RBFOX1: variants seen among roughly 807,000 people sequenced by gnomAD.
RBFOX1 encodes RNA binding protein fox-1 homolog 1.
In RBFOX1, 8 loss-of-function variants were observed where a neutral mutation model predicts 57.7. The ratio of observed to expected loss-of-function variants is 0.14; its 90% CI spans 0.08 to 0.25. RBFOX1 has a LOEUF of 0.25. Ranked by LOEUF, RBFOX1 falls within the 10% of genes least tolerant of loss-of-function variation. The pLI is 1.00. For missense variants in RBFOX1, 611 were observed against 548.5 expected, an observed-to-expected ratio of 1.11 and a Z score of -1.14; for synonymous variants, 326 against 222.4, an observed-to-expected ratio of 1.47 and a Z score of -4.15.
chr16:6,316,900 G>A, intron 1 of RBFOX1, 95 bp from the exon 2 acceptor site: 1 of 873,896 alleles, frequency 1.1e-6, no homozygotes, highest in Non-Finnish European at 1.8e-6. Flanking sequence ...AACCTATTTT[G>A]AAGGTTGGTC....
intron 3 of RBFOX1, among the ~76,000 whole-genome samples, chr16:6,707,841 C>G (rs2063039738): frequency 2.0e-5 from 3 of 152,144 alleles, no homozygotes; most frequent in South Asian, 4.1e-4. Flanking sequence ...TCCCCAAGCT[C>G]AAAGCGCCAC....
chr16:6,569,402 G>A (rs1402427691), intron 2 of RBFOX1, among the ~76,000 whole-genome samples: 1 of 152,160 alleles, frequency 6.6e-6, no homozygotes, highest in Non-Finnish European at 1.5e-5. Flanking sequence ...ATGTTTGCCA[G>A]ACTAAGGGCA....
intron 3 of RBFOX1, among the ~76,000 whole-genome samples, chr16:5,663,387 TA>T (rs1567365109): frequency 1.3e-5 from 2 of 151,662 alleles, no homozygotes; most frequent in African/African-American, 4.9e-5. Flanking sequence ...TTTTTTTTTT[TA>T]GAAATGGGGT....
intron 2 of RBFOX1, among the ~76,000 whole-genome samples, chr16:6,406,752 A>G (rs1326596973): frequency 6.6e-6 from 1 of 152,114 alleles, no homozygotes; most frequent in Non-Finnish European, 1.5e-5. Context: ...CATCATTGCA[A>G]AGGGTCTTCA....
intron 4 of RBFOX1, among the ~76,000 whole-genome samples, chr16:5,895,549 CTT>C (rs2058143835): frequency 6.6e-6 from 1 of 152,186 alleles, no homozygotes; most frequent in South Asian, 2.1e-4. Context: ...GATCTTTATT[CTT>C]ACTGAGCTGG....
rs750031460 is a variant in RBFOX1, at chr16:6,819,645, C to T, written c.-16+164995C>T. ...GCTTGAACCTGGGAAGCGGAGGTTG[C>T]AGTGAGCCAGGATCAAGGCATTGCA... On this transcript the variant is annotated intron_variant, in intron 3 of 15. Coordinates refer to ENST00000550418, the MANE Select transcript of RBFOX1 (RefSeq NM_018723.4). Among the ~76,000 whole-genome samples the T allele has an allele frequency of 3.7e-4, 47 of 125,642 alleles. 1 individual carries two copies. Among genetic ancestry groups the T allele is most frequent in the Admixed American group, 6.1e-4 (6 of 9,830 alleles). The allele number at this position is 125,642 out of a possible 152,430, so 82.4% of individuals were successfully genotyped here.
At chr16:7,333,982 A>G (rs1173306511) in intron 4 of RBFOX1, among the ~76,000 whole-genome samples, 1 of 152,194 alleles carries the variant, frequency 6.6e-6, no homozygotes. Flanking sequence ...GAAAAGGAAA[A>G]CAAAATATAT....
intron 15 of RBFOX1, chr16:7,709,886 A>G: frequency 9.1e-7 from 1 of 1,093,250 alleles, no homozygotes; most frequent in Non-Finnish European, 1.1e-6. Flanking sequence ...AATCATTACA[A>G]AGCTTTGGCA....
chr16:5,854,231 A>G (rs2056969743), intron 3 of RBFOX1, among the ~76,000 whole-genome samples: 2 of 152,212 alleles, frequency 1.3e-5, no homozygotes, highest in African/African-American at 4.8e-5. Context: ...TCAAGTATAT[A>G]GTACAGTATT....
intron 3 of RBFOX1, among the ~76,000 whole-genome samples, chr16:5,856,239 G>GTGTATATATA (rs1313651543): frequency 1.3e-4 from 3 of 23,782 alleles, no homozygotes; most frequent in Non-Finnish European, 2.5e-4. Context: ...GTATATATAT[G>GTGTATATATA]TGTATATATA....
intron 4 of RBFOX1, among the ~76,000 whole-genome samples, chr16:7,066,606 C>A (rs1351181): frequency 6.6e-6 from 1 of 152,076 alleles, no homozygotes; most frequent in Non-Finnish European, 1.5e-5. Flanking sequence ...ACTCATAAAG[C>A]GGGGGGTGTT....
intron 1 of RBFOX1, among the ~76,000 whole-genome samples, chr16:6,168,226 T>G (rs2096932055): frequency 6.6e-6 from 1 of 152,206 alleles, no homozygotes; most frequent in South Asian, 2.1e-4. Context: ...ATCTATTAGT[T>G]TAATCTGTTC....
At chr16:6,361,434 C>G (rs1345290628) in intron 2 of RBFOX1, among the ~76,000 whole-genome samples, 2 of 151,932 alleles carry the variant, frequency 1.3e-5, no homozygotes, top group Non-Finnish European at 2.9e-5. Flanking sequence ...TCGAGACCAG[C>G]CTGGCCAATA....
At chr16:5,425,635 G>A (rs1010305021) in intron 1 of RBFOX1, among the ~76,000 whole-genome samples, 1 of 152,190 alleles carries the variant, frequency 6.6e-6, no homozygotes, top group African/African-American at 2.4e-5. Context: ...TTGAATACGG[G>A]AAATAAGTCT....
intron 3 of RBFOX1, among the ~76,000 whole-genome samples, chr16:7,031,743 C>T (rs1260154347): frequency 6.6e-6 from 1 of 152,092 alleles, no homozygotes. Flanking sequence ...TACTCTGTGC[C>T]CTCAAACAAC....
chr16:6,561,330 G>A (rs145484647), intron 2 of RBFOX1, among the ~76,000 whole-genome samples: 101 of 152,252 alleles, frequency 6.6e-4, no homozygotes, highest in Non-Finnish European at 8.4e-4. Flanking sequence ...CATGCATTCC[G>A]TAATACATAT....
chr16:7,491,770 G>T (rs561400266), intron 4 of RBFOX1, among the ~76,000 whole-genome samples: 3 of 152,030 alleles, frequency 2.0e-5, no homozygotes, highest in South Asian at 4.2e-4. Context: ...AGCTAGGACC[G>T]CAGGCACATG....
intron 3 of RBFOX1, among the ~76,000 whole-genome samples, chr16:5,772,189 G>GGCTA (rs1438605974): frequency 6.6e-6 from 1 of 152,064 alleles, no homozygotes; most frequent in Non-Finnish European, 1.5e-5. Flanking sequence ...AAAAAACAGA[G>GGCTA]GCTAGTTTAT....
chr16:6,246,702 A>G (rs1487123781), intron 1 of RBFOX1, among the ~76,000 whole-genome samples: 1 of 152,220 alleles, frequency 6.6e-6, no homozygotes, highest in Non-Finnish European at 1.5e-5. Flanking sequence ...TTGTGTTAGT[A>G]TAACTGCGGA....
Sources: allele counts gnomAD v4.1 joint callset (sites outside exome capture counted in the v4.1 genomes callset), GRCh38; gene constraint gnomAD v4.1.1; transcripts MANE v1.5; gene names NCBI Gene and HGNC (gene_info 2026-07-23, HGNC 2026-07-21).